Variants in BCHE observed in about 807,000 individuals in gnomAD.
The protein encoded by BCHE is cholinesterase.
BCHE carries 48 observed loss-of-function variants against 51.3 expected under a neutral mutation model. The observed-to-expected ratio is 0.94, with a 90% CI of 0.74 to 1.19. The LOEUF (loss-of-function observed/expected upper bound fraction) is 1.19. Ranked by LOEUF, BCHE falls within the 50% of genes most tolerant of loss-of-function variation. The probability of loss-of-function intolerance (pLI) is 0.00; values close to 1 mark genes in which losing one functional copy is unlikely to be tolerated. For missense variants in BCHE, 847 were observed against 708.2 expected (o/e 1.20, Z -2.23); for synonymous variants, 251 against 238.0 (o/e 1.05, Z -0.50).
At chr3:165,823,982 G>T (rs376226278) in intron 2 of BCHE, among the ~76,000 whole-genome samples, 2 of 147,032 alleles carry the variant, frequency 1.4e-5, no homozygotes, top group African/African-American at 5.0e-5. Context: ...TCACTTTGTT[G>T]CTCAGGCTAG....
intron 2 of BCHE, among the ~76,000 whole-genome samples, chr3:165,806,327 T>G (rs926378840): frequency 1.3e-5 from 2 of 152,218 alleles, no homozygotes; most frequent in Non-Finnish European, 2.9e-5. Context: ...AAACTTTTTA[T>G]TTCTTTAAGA....
Position 165,829,784 on chromosome 3 carries a change from A to G in BCHE, c.1250T>C (p.Leu417Ser), listed in dbSNP as rs1207429301. Residue 417 changes from leucine (L) to serine (S), a missense_variant, in exon 2 of 4, where the codon TTG (leucine) becomes TCG (serine). Physicochemically the swap from Leu to Ser is moderately radical, Grantham distance 145. Transcript: ENST00000264381. ...ATTATAATCCCCAACAACATCACCCAAGGCCTCACGGTAGTTTTCAGGTCT... is the reference window on the plus strand; with the variant it reads ...ATTATAATCCCCAACAACATCACCCGAGGCCTCACGGTAGTTTTCAGGTCT... Reference protein sequence around the residue: ...DQRPENYREALGDVVGDYNFI... With the variant: ...DQRPENYREASGDVVGDYNFI... 1.9e-6 allele frequency: 3 copies of G among 1,613,848 alleles called. No homozygotes were observed. In the South Asian group the frequency reaches 3.3e-5, roughly 18 times the overall value.
rs183873403 is a variant in BCHE, at chr3:165,804,873, C to A, written c.1518-18562G>T. 4.6e-5 allele frequency among the ~76,000 whole-genome samples: 7 copies of A among 152,158 alleles called. No individual in the cohort carries two copies. The East Asian group carries it at 1.4e-3, about 29-fold the overall frequency. Reference sequence around the variant, plus strand: ...ATTAATTAAGCTGTTTGATAGCAATCACATATTTAAACATAAACAAGGTTG... The same window carrying A: ...ATTAATTAAGCTGTTTGATAGCAATAACATATTTAAACATAAACAAGGTTG... On this transcript the variant is annotated intron_variant, in intron 2 of 3. Coordinates refer to ENST00000264381, the MANE Select transcript of BCHE (RefSeq NM_000055.4).
chr3:165,790,120 C>A (rs899371432), intron 2 of BCHE, among the ~76,000 whole-genome samples: 2 of 151,960 alleles, frequency 1.3e-5, no homozygotes, highest in Non-Finnish European at 1.5e-5. Flanking sequence ...TGTCCTTTGT[C>A]TCTCCCTGCC....
chr3:165,792,859 A>C (rs1339973800), intron 2 of BCHE, among the ~76,000 whole-genome samples: 2 of 152,132 alleles, frequency 1.3e-5, no homozygotes, highest in Non-Finnish European at 2.9e-5. Context: ...TCCTCCAAAA[A>C]CTGCTATCAT....
At position 165,773,455 on chromosome 3, in the gene BCHE, T is replaced by C. The variant is rs750175032; in HGVS notation, c.1736A>G (p.Asn579Ser). 1.1e-5 allele frequency: 17 copies of C among 1,608,654 alleles called. No individual in the cohort carries two copies. In the East Asian group the frequency reaches 2.2e-4, roughly 21 times the overall value. The change falls in exon 4 of 4, where the codon AAC (asparagine) becomes AGC (serine). Residue 579 changes from asparagine to serine, a missense_variant. Physicochemically the swap from Asn to Ser is conservative, Grantham distance 46 (BLOSUM62 1). Transcript: ENST00000264381. ...WEWKAGFHRW[N>S]NYMMDWKNQF... ...ATTTTTCCAGTCCATCATGTAATTG[T>C]TCCAGCGATGGAATCCTGCTTTCCA...
Position 165,831,046 on chromosome 3 carries a change from AAG to A in BCHE, c.-8-7_-8-6del, listed in dbSNP as rs1320279701. On this transcript the variant is annotated splice_polypyrimidine_tract_variant and splice_region_variant and intron_variant, in intron 1 of 3. Transcript: ENST00000264381. Reference sequence around the variant, plus strand: ...CTTTGCTATGCATATTGATTTCTGAAAGAGAGGTAAGTATAATGTTTTATAAG... The same window carrying A: ...CTTTGCTATGCATATTGATTTCTGAAAGAGGTAAGTATAATGTTTTATAAG... 3.7e-6 allele frequency: 6 copies of A among 1,600,494 alleles called. No homozygotes were observed. Among genetic ancestry groups the A allele is most frequent in the African/African-American group, 2.7e-5 (2 of 74,750 alleles).
chr3:165,802,600 G>A (rs995499576), intron 2 of BCHE, among the ~76,000 whole-genome samples: 3 of 151,582 alleles, frequency 2.0e-5, no homozygotes, highest in African/African-American at 7.3e-5. Context: ...ATGTGGAATG[G>A]GGAAAAATTT....
Position 165,786,304 on chromosome 3 carries a change from T to C in BCHE, c.1525A>G (p.Asn509Asp), listed in dbSNP as rs752132070. 5 of 1,610,342 alleles carry C rather than the reference T, an allele frequency of 3.1e-6. No homozygotes were observed. In the South Asian group the frequency reaches 3.3e-5, roughly 11 times the overall value. The change falls in exon 3 of 4, where the codon AAT (asparagine) becomes GAT (aspartate). Residue 509 changes from asparagine to aspartate, a missense_variant. Asn to Asp is a conservative substitution (Grantham distance 23, BLOSUM62 1). Coordinates refer to ENST00000264381, the MANE Select transcript of BCHE (RefSeq NM_000055.4). ...CTTGTGCTATTGTTCTGAGTCTCAT[T>C]TGGATTCCTAAATAATAAAATAGAG... ...WANFAKYGNPNETQNNSTSWP... is the reference protein window; with the variant it reads ...WANFAKYGNPDETQNNSTSWP...
intron 2 of BCHE, among the ~76,000 whole-genome samples, chr3:165,802,984 A>G (rs13065871): frequency 6.6e-6 from 1 of 151,768 alleles, no homozygotes; most frequent in Non-Finnish European, 1.5e-5. Context: ...CTCGTGATCC[A>G]CCCGCCTGCC....
At position 165,786,161 on chromosome 3, in the gene BCHE, T is replaced by G. The variant is rs763772612; in HGVS notation, c.1668A>C (p.Lys556Asn). The G allele has an allele frequency of 6.2e-7, 1 of 1,611,932 alleles. No homozygotes were observed. The part of the protein sequence containing the change: ...QCRFWTSFFP[K>N]VLEMTGNIDE... ...CAGACACACCTGTCATTTCCAAGACTTTTGGAAAAAATGATGTCCAGAATC... is the reference window on the plus strand; with the variant it reads ...CAGACACACCTGTCATTTCCAAGACGTTTGGAAAAAATGATGTCCAGAATC... The change falls in exon 3 of 4, where the codon AAA (lysine) becomes AAC (asparagine). Residue 556 changes from lysine to asparagine, a missense_variant. Physicochemically the swap from Lys to Asn is moderately conservative, Grantham distance 94. Coordinates refer to ENST00000264381, the MANE Select transcript of BCHE (RefSeq NM_000055.4).
chr3:165,785,116 T>C (rs1235151089), intron 3 of BCHE, among the ~76,000 whole-genome samples: 1 of 151,880 alleles, frequency 6.6e-6, no homozygotes. Flanking sequence ...TCAAAAGGCA[T>C]ATTAAGCAAT....
chr3:165,827,536 T>C (rs764064414), intron 2 of BCHE, among the ~76,000 whole-genome samples: 3 of 151,944 alleles, frequency 2.0e-5, no homozygotes, highest in Non-Finnish European at 2.9e-5. Context: ...AACAAGGCAT[T>C]TAACACATCT....
intron 3 of BCHE, among the ~76,000 whole-genome samples, chr3:165,783,076 T>C (rs1478424215): frequency 1.3e-5 from 2 of 152,030 alleles, no homozygotes; most frequent in African/African-American, 2.4e-5. Flanking sequence ...GGAGAGATTA[T>C]ACTGATATTT....
intron 2 of BCHE, among the ~76,000 whole-genome samples, chr3:165,808,578 G>T (rs373484915): frequency 8.5e-5 from 13 of 152,124 alleles, no homozygotes; most frequent in African/African-American, 3.1e-4. Flanking sequence ...TACCAATTTG[G>T]TTTTTTATAA....
At chr3:165,814,106 A>G (rs1474231545) in intron 2 of BCHE, among the ~76,000 whole-genome samples, 1 of 152,064 alleles carries the variant, frequency 6.6e-6, no homozygotes, top group African/African-American at 2.4e-5. Flanking sequence ...ATTGTATACT[A>G]AGTATATAAG....
chr3:165,791,805 T>C (rs1259571322), intron 2 of BCHE, among the ~76,000 whole-genome samples: 1 of 151,424 alleles, frequency 6.6e-6, no homozygotes, highest in African/African-American at 2.4e-5. Flanking sequence ...ATACAAAAAT[T>C]ACCCGATATG....
chr3:165,827,174 G>A (rs1714753158), intron 2 of BCHE, among the ~76,000 whole-genome samples: 1 of 152,040 alleles, frequency 6.6e-6, no homozygotes, highest in African/African-American at 2.4e-5. Flanking sequence ...TACTTTGAAA[G>A]TAGATAACGA....
intron 2 of BCHE, among the ~76,000 whole-genome samples, chr3:165,814,698 C>T (rs1714235637): frequency 6.6e-6 from 1 of 152,014 alleles, no homozygotes; most frequent in South Asian, 2.1e-4. Context: ...GTCTGACATA[C>T]TTTTCAGCTT....
Sources: allele counts gnomAD v4.1 joint callset (sites outside exome capture counted in the v4.1 genomes callset), GRCh38; gene constraint gnomAD v4.1.1; transcripts MANE v1.5; gene names NCBI Gene and HGNC (gene_info 2026-07-23, HGNC 2026-07-21).